The following ADAMTSL3 variants were observed in gnomAD, a reference collection of about 807,000 sequenced individuals.
ADAMTSL3 encodes ADAMTS like 3, also known as ADAMTS-like protein 3.
In ADAMTSL3, 128 loss-of-function variants were observed where a neutral mutation model predicts 201.7. The observed-to-expected ratio is 0.63, with a 90% CI of 0.55 to 0.73. ADAMTSL3 has a LOEUF of 0.73. ADAMTSL3 is among the 30% of genes least tolerant of loss of function. The pLI is 0.00. For missense variants in ADAMTSL3, 1,990 were observed against 2,119.6 expected, an observed-to-expected ratio of 0.94 and a Z score of 1.20; for synonymous variants, 738 against 748.4, an observed-to-expected ratio of 0.99 and a Z score of 0.23.
chr15:83,902,563 C>T (rs980810536), intron 15 of ADAMTSL3, among the ~76,000 whole-genome samples: 8 of 152,194 alleles, frequency 5.3e-5, no homozygotes, highest in African/African-American at 1.9e-4. Context: ...AGCCACCGCA[C>T]CTGGCCAAGT....
intron 3 of ADAMTSL3, among the ~76,000 whole-genome samples, chr15:83,749,977 G>A (rs2062611984): frequency 6.6e-6 from 1 of 152,170 alleles, no homozygotes; most frequent in Non-Finnish European, 1.5e-5. Context: ...GTTCGTTTGT[G>A]TTCCTTCAAC....
rs151277345 is a variant in ADAMTSL3, at chr15:83,737,441, T to C, written c.189+32933T>C. On this transcript the variant is annotated intron_variant, in intron 3 of 29. Transcript: ENST00000286744. ...CTCATGACAGTGAGTTCTCACGAGA[T>C]CTGATGGTTTTATAAGTGTTTGGCA... Among the ~76,000 whole-genome samples, 1,232 of 152,240 alleles carry C rather than the reference T, an allele frequency of 8.1e-3. 16 individuals are homozygous for C. Among genetic ancestry groups the C allele is most frequent in the African/African-American group, 0.028 (1,153 of 41,554 alleles).
intron 19 of ADAMTSL3, among the ~76,000 whole-genome samples, chr15:83,948,816 G>GT (rs2066706484): frequency 6.6e-6 from 1 of 151,932 alleles, no homozygotes; most frequent in East Asian, 1.9e-4. Context: ...TTAATTATGA[G>GT]TTTTTTATTA....
At position 83,868,985 on chromosome 15, in the gene ADAMTSL3, A is replaced by G. The variant is rs573173942; in HGVS notation, c.803-1817A>G. 1.4e-4 allele frequency among the ~76,000 whole-genome samples: 22 copies of G among 152,272 alleles called. No homozygotes were observed. The South Asian group carries it at 4.1e-3, about 29-fold the overall frequency. On this transcript the variant is annotated intron_variant, in intron 8 of 29. Coordinates refer to ENST00000286744, the MANE Select transcript of ADAMTSL3 (RefSeq NM_207517.3). ...TTTACACCCCTTGCCCCAATTCTGC[A>G]TCCCGATCTGCAACTTGGAACGCTG...
chr15:83,682,463 CA>C (rs2061488522), intron 2 of ADAMTSL3, among the ~76,000 whole-genome samples: 1 of 152,196 alleles, frequency 6.6e-6, no homozygotes, highest in South Asian at 2.1e-4. Flanking sequence ...TTCACCATCC[CA>C]TTCTTCTATT....
In ADAMTSL3 at chr15:83,885,222, A is replaced by T. The variant is rs201816199; in HGVS notation, c.1072+10A>T. 1 of 1,588,138 alleles carries T rather than the reference A, an allele frequency of 6.3e-7. No homozygotes were observed. Among genetic ancestry groups the T allele is most frequent in the Non-Finnish European group, 8.6e-7 (1 of 1,157,072 alleles). ...GTGACGTGTGGAGGAGGTGAGGCCC[A>T]GGCTTTGTTCATGAATATTTAGAGC... On this transcript the variant is annotated intron_variant, in intron 10 of 29. Transcript: ENST00000286744.
intron 2 of ADAMTSL3, among the ~76,000 whole-genome samples, chr15:83,658,726 A>G (rs2061125131): frequency 1.3e-5 from 2 of 152,148 alleles, no homozygotes; most frequent in South Asian, 4.1e-4. Flanking sequence ...AAGCTTTTCA[A>G]ACTTTATCCA....
intron 1 of ADAMTSL3, 58 bp from the exon 2 acceptor site, chr15:83,655,671 C>A: frequency 7.7e-7 from 1 of 1,300,012 alleles, no homozygotes; most frequent in Non-Finnish European, 1.1e-6. Flanking sequence ...GCTTAAGTCA[C>A]GGTTTACTGC....
chr15:83,868,014 C>G (rs929364201), intron 8 of ADAMTSL3, among the ~76,000 whole-genome samples: 1 of 152,182 alleles, frequency 6.6e-6, no homozygotes, highest in African/African-American at 2.4e-5. Context: ...GACTACCTAT[C>G]ATATCTTCCT....
intron 2 of ADAMTSL3, among the ~76,000 whole-genome samples, chr15:83,690,287 C>T (rs1191289746): frequency 6.6e-6 from 1 of 152,184 alleles, no homozygotes; most frequent in East Asian, 1.9e-4. Context: ...TGAACACGGA[C>T]TTCATGGTCT....
Position 83,868,288 on chromosome 15 carries a change from A to G in ADAMTSL3, c.803-2514A>G, listed in dbSNP as rs192329225. Among the ~76,000 whole-genome samples the G allele has an allele frequency of 3.6e-3, 544 of 152,308 alleles. 3 individuals carry two copies. Among genetic ancestry groups the G allele is most frequent in the African/African-American group, 0.012 (519 of 41,560 alleles). On this transcript the variant is annotated intron_variant, in intron 8 of 29. Transcript: ENST00000286744. ...TGAACAACATGGGGCTACAGTAAAT[A>G]TAGGGAAATGGTGGAAATTAATAAA...
In ADAMTSL3 at chr15:84,021,518, G is replaced by T; in HGVS notation, c.4382G>T (p.Ser1461Ile). The stretch of plus-strand genomic sequence containing the variant: ...GTGATGGCCAATGGGCAGGAAGTGA[G>T]TGAGGCCCTGTGTGATCACCTCCAG... ...QCVMANGQEVSEALCDHLQKP... is the reference protein window; with the variant it reads ...QCVMANGQEVIEALCDHLQKP... Residue 1461 changes from serine (S) to isoleucine (I), a missense_variant, in exon 26 of 30, where the codon AGT (serine) becomes ATT (isoleucine). Coordinates refer to ENST00000286744, the MANE Select transcript of ADAMTSL3 (RefSeq NM_207517.3). 6.2e-7 allele frequency: 1 copy of T among 1,614,172 alleles called. No individual in the cohort carries two copies. Among genetic ancestry groups the T allele is most frequent in the East Asian group, 2.2e-5 (1 of 44,878 alleles).
intron 2 of ADAMTSL3, among the ~76,000 whole-genome samples, chr15:83,678,426 C>CTA (rs2061434474): frequency 6.6e-6 from 1 of 151,256 alleles, no homozygotes; most frequent in Non-Finnish European, 1.5e-5. Flanking sequence ...AAGAGTTCCC[C>CTA]TCTCTTTTTT....
intron 10 of ADAMTSL3, among the ~76,000 whole-genome samples, chr15:83,888,465 A>G (rs370705725): frequency 6.6e-6 from 1 of 152,176 alleles, no homozygotes; most frequent in Non-Finnish European, 1.5e-5. Context: ...GGAAAATAAA[A>G]CACACACATA....
intron 3 of ADAMTSL3, among the ~76,000 whole-genome samples, chr15:83,756,325 G>T (rs117433328): frequency 0.066 from 9,984 of 152,154 alleles, 369 homozygotes; most frequent in East Asian, 0.18. Context: ...CACATGTCTG[G>T]GGAGGCCTCA....
chr15:83,772,410 C>A (rs1220766341), intron 3 of ADAMTSL3, among the ~76,000 whole-genome samples: 1 of 152,154 alleles, frequency 6.6e-6, no homozygotes, highest in African/African-American at 2.4e-5. Flanking sequence ...CAGGTCTATA[C>A]CTACATCTAT....
At chr15:83,969,523 A>G (rs747023727) in intron 19 of ADAMTSL3, among the ~76,000 whole-genome samples, 4 of 152,258 alleles carry the variant, frequency 2.6e-5, no homozygotes, top group South Asian at 2.1e-4. Context: ...CTGTATATAC[A>G]TACAATGAAA....
chr15:83,970,734 G>C, intron 20 of ADAMTSL3, 97 bp downstream of exon 20: 1 of 1,480,094 alleles, frequency 6.8e-7, no homozygotes, highest in Non-Finnish European at 9.2e-7. Context: ...TTTCTAATCT[G>C]TGGGTAAGGC....
At chr15:83,827,307 T>G (rs1052016528) in intron 6 of ADAMTSL3, among the ~76,000 whole-genome samples, 2 of 152,240 alleles carry the variant, frequency 1.3e-5, no homozygotes, top group African/African-American at 4.8e-5. Context: ...ATAAATGTCT[T>G]CTTTTGAGAA....
Sources: allele counts gnomAD v4.1 joint callset (sites outside exome capture counted in the v4.1 genomes callset), GRCh38; gene constraint gnomAD v4.1.1; transcripts MANE v1.5; gene names NCBI Gene and HGNC (gene_info 2026-07-23, HGNC 2026-07-21).